KCND3: variants seen among roughly 807,000 people sequenced by gnomAD.
The protein encoded by KCND3 is potassium voltage-gated channel subfamily D member 3, also known as A-type voltage-gated potassium channel KCND3.
In KCND3, 9 loss-of-function variants were observed where a neutral mutation model predicts 51.1. The ratio of observed to expected loss-of-function variants is 0.18; its 90% CI spans 0.11 to 0.31. The LOEUF (loss-of-function observed/expected upper bound fraction) is 0.31. Among genes scored for constraint, KCND3 ranks in the 10% least tolerant of loss-of-function variants. KCND3 has a pLI of 1.00. For synonymous variants in KCND3, 349 were observed against 368.0 expected, an observed-to-expected ratio of 0.95 and a Z score of 0.59; for missense variants, 526 against 903.8, an observed-to-expected ratio of 0.58 and a Z score of 5.36.
At chr1:111,980,818 A>G (rs1674907837) in intron 2 of KCND3, among the ~76,000 whole-genome samples, 1 of 152,148 alleles carries the variant, frequency 6.6e-6, no homozygotes, top group Non-Finnish European at 1.5e-5. Flanking sequence ...CTGTGACCTC[A>G]GCTGGAGAGG....
chr1:111,956,602 T>C (rs1385673924), intron 2 of KCND3, among the ~76,000 whole-genome samples: 1 of 152,166 alleles, frequency 6.6e-6, no homozygotes, highest in Non-Finnish European at 1.5e-5. Flanking sequence ...GCGGCATTCC[T>C]AATTTCAAGG....
In KCND3 at chr1:111,776,192, G is replaced by A. The variant is rs1200542588; in HGVS notation, c.1853C>T (p.Pro618Leu). ...SQITTAIISI[P>L]TPPALTPEGE... ...CTCTGGGGTTAGCGCTGGGGGAGTGGGGATGCTGATGATGGCTGTGGTGAT... is the reference window on the plus strand; with the variant it reads ...CTCTGGGGTTAGCGCTGGGGGAGTGAGGATGCTGATGATGGCTGTGGTGAT... The change falls in exon 8 of 8, where the codon CCC becomes CTC. Residue 618 changes from proline to leucine, a missense_variant. Pro to Leu is a moderately conservative substitution (Grantham distance 98). Transcript: ENST00000302127. The A allele has an allele frequency of 3.1e-6, 5 of 1,614,238 alleles. No individual in the cohort carries two copies. The highest frequency in any genetic ancestry group is 4.2e-6 in the Non-Finnish European group (5 of 1,180,040).
chr1:111,915,527 A>C (rs10857914), intron 2 of KCND3, among the ~76,000 whole-genome samples: 85,976 of 151,682 alleles, frequency 0.57, 24,468 homozygotes, highest in African/African-American at 0.61. Context: ...CCGAGGTGGG[A>C]GGATCACGAG....
At chr1:111,961,242 G>T (rs1459147743) in intron 2 of KCND3, among the ~76,000 whole-genome samples, 2 of 152,210 alleles carry the variant, frequency 1.3e-5, no homozygotes, top group African/African-American at 4.8e-5. Context: ...AGCAAATATA[G>T]GCGCCAGCGA....
chr1:111,944,758 G>A (rs776106172), intron 2 of KCND3, among the ~76,000 whole-genome samples: 6 of 152,238 alleles, frequency 3.9e-5, no homozygotes, highest in East Asian at 3.8e-4. Flanking sequence ...TTTTGAACAC[G>A]TGAATATATT....
Position 111,780,657 on chromosome 1 carries a change from A to G in KCND3, c.1371+33T>C, listed in dbSNP as rs1273549548. ...AGAAAACAAGCCCATCTACCCCTTT[A>G]TGTTCCCTAGCCCAGGTCCTCTAGG... On this transcript the variant is annotated intron_variant, in intron 4 of 7. Transcript: ENST00000302127. This position sits in a 1 kb window ranked among gnomAD's most constrained non-coding sequence, Gnocchi z 4.2. The G allele has an allele frequency of 1.3e-6, 2 of 1,555,086 alleles. No individual in the cohort carries two copies. The highest frequency in any genetic ancestry group is 2.3e-5 in the East Asian group (1 of 43,940).
intron 2 of KCND3, among the ~76,000 whole-genome samples, chr1:111,977,877 T>C (rs753749221): frequency 5.9e-5 from 9 of 152,248 alleles, no homozygotes; most frequent in Non-Finnish European, 1.2e-4. Flanking sequence ...AGTTCTATGT[T>C]ATCCCTTCCC....
At chr1:111,776,792 T>G (rs973360177) in intron 7 of KCND3, among the ~76,000 whole-genome samples, 2 of 141,914 alleles carry the variant, frequency 1.4e-5, no homozygotes, top group East Asian at 2.0e-4. Flanking sequence ...ATTTTTAAAG[T>G]TTTTTTTTTT....
At chr1:111,792,216 T>C (rs1664862138) in intron 2 of KCND3, among the ~76,000 whole-genome samples, 1 of 152,212 alleles carries the variant, frequency 6.6e-6, no homozygotes, top group South Asian at 2.1e-4. Flanking sequence ...TACCAGAGCC[T>C]GTGCTAGGAA....
At chr1:111,962,691 T>C (rs1425205549) in intron 2 of KCND3, among the ~76,000 whole-genome samples, 1 of 152,224 alleles carries the variant, frequency 6.6e-6, no homozygotes. Flanking sequence ...TCAGTCCACA[T>C]GGTTCATGGT....
chr1:111,901,557 T>C (rs1670383098), intron 2 of KCND3, among the ~76,000 whole-genome samples: 1 of 152,090 alleles, frequency 6.6e-6, no homozygotes, highest in Non-Finnish European at 1.5e-5. Flanking sequence ...ATATGATGAA[T>C]TCAATGAGCT....
At chr1:111,878,613 T>G (rs1055283397) in intron 2 of KCND3, among the ~76,000 whole-genome samples, 7 of 152,382 alleles carry the variant, frequency 4.6e-5, no homozygotes, top group Admixed American at 4.6e-4. Context: ...AGCTGGCTGC[T>G]GAAGCCGACA....
At chr1:111,984,540 C>G (rs983129361) in intron 1 of KCND3, among the ~76,000 whole-genome samples, 1 of 152,290 alleles carries the variant, frequency 6.6e-6, no homozygotes, top group East Asian at 1.9e-4. Context: ...CACACCCCAC[C>G]CGGTTTCTCC....
At position 111,787,111 on chromosome 1, in the gene KCND3, G is replaced by A; in HGVS notation, c.1107-5C>T. The A allele has an allele frequency of 6.2e-7, 1 of 1,614,144 alleles. No individual in the cohort carries two copies. Among genetic ancestry groups the A allele is most frequent in the Non-Finnish European group, 8.5e-7 (1 of 1,180,020 alleles). Reference sequence around the variant, plus strand: ...TTAGGCACCATGTCTCCGTATCTGAGAGAGGGAGAGAAACAGGGTGTAAGG... The same window carrying A: ...TTAGGCACCATGTCTCCGTATCTGAAAGAGGGAGAGAAACAGGGTGTAAGG... On this transcript the variant is annotated splice_polypyrimidine_tract_variant and splice_region_variant and intron_variant, in intron 2 of 7. Coordinates refer to ENST00000302127, the MANE Select transcript of KCND3 (RefSeq NM_001378969.1).
intron 2 of KCND3, among the ~76,000 whole-genome samples, chr1:111,898,074 T>C (rs1670205151): frequency 6.6e-6 from 1 of 152,172 alleles, no homozygotes; most frequent in African/African-American, 2.4e-5. Flanking sequence ...CTTAACATTT[T>C]ACCTATGACC....
At chr1:111,880,080 T>C (rs533204631) in intron 2 of KCND3, among the ~76,000 whole-genome samples, 1 of 152,360 alleles carries the variant, frequency 6.6e-6, no homozygotes, top group Non-Finnish European at 1.5e-5. Flanking sequence ...ATAGTAGCGC[T>C]ATATACACTT....
chr1:111,917,924 T>G (rs960862513), intron 2 of KCND3, among the ~76,000 whole-genome samples: 1 of 152,206 alleles, frequency 6.6e-6, no homozygotes, highest in Non-Finnish European at 1.5e-5. Flanking sequence ...AGAACACAAG[T>G]GCACCTTGAT....
At chr1:111,852,266 C>A (rs1169980735) in intron 2 of KCND3, among the ~76,000 whole-genome samples, 2 of 152,190 alleles carry the variant, frequency 1.3e-5, no homozygotes, top group Non-Finnish European at 2.9e-5. Flanking sequence ...GGAGTGGGGG[C>A]TGGAAAAGCA....
intron 2 of KCND3, among the ~76,000 whole-genome samples, chr1:111,842,801 C>T (rs76708215): frequency 0.016 from 2,406 of 152,256 alleles, 22 homozygotes; most frequent in Non-Finnish European, 0.02. Flanking sequence ...GAGGTGGGTA[C>T]CACAAACCCA....
Sources: gnomAD v4.1 joint callset for allele counts (sites outside exome capture counted in the v4.1 genomes callset) on GRCh38, gnomAD v4.1.1 for gene constraint, Gnocchi (gnomAD v3.1) non-coding constraint, MANE v1.5 for transcripts, NCBI Gene and HGNC (gene_info 2026-07-23, HGNC 2026-07-21) for gene names.